Variants in OTUD7B observed in about 807,000 individuals in gnomAD.
The protein encoded by OTUD7B is OTU deubiquitinase 7B, also known as OTU domain-containing protein 7B.
Under a neutral mutation model 82.2 loss-of-function variants are expected in OTUD7B, and 34 were observed. The observed-to-expected ratio is 0.41, with a 90% CI of 0.31 to 0.55. The LOEUF is 0.55. Among genes scored for constraint, OTUD7B ranks in the 20% least tolerant of loss-of-function variants. OTUD7B has a pLI of 0.20. For synonymous variants in OTUD7B, 398 were observed against 402.7 expected (o/e 0.99, Z 0.14); for missense variants, 944 against 1,062.1 (o/e 0.89, Z 1.55).
intron 1 of OTUD7B, among the ~76,000 whole-genome samples, chr1:149,981,285 G>A (rs949376671): frequency 7.2e-5 from 11 of 152,174 alleles, no homozygotes. Flanking sequence ...CTGCCCCCAT[G>A]CAAGAATCCT....
In OTUD7B at chr1:149,959,731, T is replaced by C; in HGVS notation, c.798A>G (p.Ser266=). The stretch of plus-strand genomic sequence containing the variant: ...TACCTAGATGCATTCGGGGTTCACT[T>C]GAGGCAAGCTTGATCAGTTCATTCC... The part of the protein sequence containing the change: ...KEWNELIKLA[S]SEPRMHLGTN... Residue 266 remains serine, a synonymous_variant, in exon 7 of 12, where the codon TCA becomes TCG. Transcript: ENST00000581312. 2 of 1,614,124 alleles carry C rather than the reference T, an allele frequency of 1.2e-6. No homozygotes were observed. The highest frequency in any genetic ancestry group is 1.7e-6 in the Non-Finnish European group (2 of 1,179,988).
upstream of OTUD7B, among the ~76,000 whole-genome samples, chr1:150,013,152 T>C (rs1017351717): frequency 3.3e-5 from 5 of 152,152 alleles, no homozygotes; most frequent in Non-Finnish European, 7.4e-5. Flanking sequence ...CCAGACAAAA[T>C]CCTACCGGTG....
chr1:150,060,324 C>T, the OTUD7B span, among the ~76,000 whole-genome samples: 2 of 152,072 alleles, frequency 1.3e-5, no homozygotes, highest in South Asian at 2.1e-4. Flanking sequence ...TAAGGTTAAA[C>T]GAGGTCATTA....
intron 7 of OTUD7B, 65 bp from the exon 8 acceptor site, chr1:149,950,286 A>G (rs1648090662): frequency 6.6e-7 from 1 of 1,510,592 alleles, no homozygotes; most frequent in Admixed American, 1.8e-5. Flanking sequence ...GAAACAGGAG[A>G]CCCTGAAGAC....
At chr1:149,949,881 A>G in intron 8 of OTUD7B, 103 bp from the exon 9 acceptor site, 2 of 1,352,196 alleles carry the variant, frequency 1.5e-6, no homozygotes, top group Admixed American at 4.5e-5. Context: ...TTTCATTCCA[A>G]CATGTTTAAT....
upstream of OTUD7B, among the ~76,000 whole-genome samples, chr1:150,014,065 T>TGC (rs1559875118): frequency 3.6e-5 from 1 of 27,966 alleles, no homozygotes; most frequent in African/African-American, 1.3e-4. Context: ...TATATGTGTG[T>TGC]GTGTGTGTGT....
In OTUD7B at chr1:149,944,554, A is replaced by G. The variant is rs1553771497; in HGVS notation, c.1835T>C (p.Val612Ala). The G allele has an allele frequency of 6.2e-7, 1 of 1,614,024 alleles. No homozygotes were observed. The highest frequency in any genetic ancestry group is 2.2e-5 in the East Asian group (1 of 44,866). Residue 612 changes from valine (V) to alanine (A), a missense_variant, in exon 12 of 12, where the codon GTT (valine) becomes GCT (alanine). Around this residue, in one of 3 missense-constraint regions of OTUD7B, gnomAD observed 412 missense variants for 418.7 expected, o/e 0.98. Transcript: ENST00000581312. ...ACGGTGACCCATCTTCAGGGTTCCA[A>G]CAAAAATAAACTTCCCCTCCCCTTG... is the stretch of plus-strand genomic sequence containing the variant. The part of the protein sequence containing the change: ...AMQGEGKFIF[V>A]GTLKMGHRHQ...
chr1:149,946,741 G>A (rs1316026583), intron 11 of OTUD7B, among the ~76,000 whole-genome samples: 49 of 79,540 alleles, frequency 6.2e-4, no homozygotes, highest in African/African-American at 6.6e-4. Context: ...GACTTCCTCT[G>A]AAAAAAAAAA....
At chr1:150,054,492 A>T in the OTUD7B span, 16 of 494,778 alleles carry the variant, frequency 3.2e-5, no homozygotes, top group South Asian at 2.4e-4. Context: ...ATCCCAAAAC[A>T]TCTTACTGAT....
At chr1:150,048,854 A>T in the OTUD7B span, among the ~76,000 whole-genome samples, 1 of 151,978 alleles carries the variant, frequency 6.6e-6, no homozygotes, top group Admixed American at 6.6e-5. Flanking sequence ...AAAATTTGAG[A>T]CGGAGTCTCA....
At chr1:149,963,401 T>A (rs1456297084) in intron 6 of OTUD7B, 1 of 152,180 alleles carries the variant, frequency 6.6e-6, no homozygotes, top group Admixed American at 6.6e-5. Flanking sequence ...ATCAGCAAAC[T>A]TTTTCTGTAA....
intron 2 of OTUD7B, among the ~76,000 whole-genome samples, chr1:149,973,066 C>T (rs1284006379): frequency 6.6e-6 from 1 of 152,202 alleles, no homozygotes; most frequent in Non-Finnish European, 1.5e-5. Flanking sequence ...AAACATCTCT[C>T]AAATCCATTT....
the OTUD7B span, among the ~76,000 whole-genome samples, chr1:150,019,252 C>G: frequency 6.6e-6 from 1 of 152,224 alleles, no homozygotes; most frequent in Non-Finnish European, 1.5e-5. Context: ...CCACAACTGT[C>G]TCTTGCCTTT....
upstream of OTUD7B, among the ~76,000 whole-genome samples, chr1:150,013,953 C>T (rs1297979266): frequency 0.02 from 2,234 of 112,656 alleles, 25 homozygotes; most frequent in Non-Finnish European, 0.033. Context: ...TATATACACA[C>T]ACACACACAC....
the OTUD7B span, among the ~76,000 whole-genome samples, chr1:150,051,176 C>A: frequency 7.1e-6 from 1 of 140,948 alleles, no homozygotes; most frequent in African/African-American, 2.6e-5. Context: ...TTGCAGTGAA[C>A]CGAGATTGCG....
the OTUD7B span, among the ~76,000 whole-genome samples, chr1:150,049,905 T>C: frequency 6.6e-6 from 1 of 152,106 alleles, no homozygotes; most frequent in East Asian, 1.9e-4. Flanking sequence ...AGAAAGGTTA[T>C]TGTTTCAAAA....
intron 6 of OTUD7B, chr1:149,961,901 G>A (rs1166007254): frequency 2.6e-5 from 4 of 152,112 alleles, no homozygotes; most frequent in Non-Finnish European, 4.4e-5. Context: ...ATAATGATAA[G>A]GGAAATAAGT....
At chr1:149,973,811 A>G (rs1650096701) in intron 2 of OTUD7B, among the ~76,000 whole-genome samples, 2 of 151,558 alleles carry the variant, frequency 1.3e-5, no homozygotes, top group Non-Finnish European at 2.9e-5. Context: ...AAGAAAAAAC[A>G]AGCAACAGAG....
chr1:149,944,500 C>A lies in OTUD7B; in HGVS notation c.1889G>T (p.Arg630Leu). Reference sequence around the variant, plus strand: ...TCTCTCCTCAGCATCAGAAAGGTAGCGCTGGATCATTTCCTCCTGATACTG... The same window carrying A: ...TCTCTCCTCAGCATCAGAAAGGTAGAGCTGGATCATTTCCTCCTGATACTG... ...RHQYQEEMIQ[R>L]YLSDAEERFL... The change falls in exon 12 of 12, where the codon CGC (arginine) becomes CTC (leucine). Residue 630 changes from arginine to leucine, a missense_variant. Physicochemically the swap from Arg to Leu is moderately radical, Grantham distance 102. Coordinates refer to ENST00000581312, the MANE Select transcript of OTUD7B (RefSeq NM_020205.4). 1 of 1,614,100 alleles carries A rather than the reference C, an allele frequency of 6.2e-7. No individual in the cohort carries two copies. Among genetic ancestry groups the A allele is most frequent in the South Asian group, 1.1e-5 (1 of 91,086 alleles).
Sources: gnomAD v4.1 joint callset for allele counts (sites outside exome capture counted in the v4.1 genomes callset) on GRCh38, gnomAD v4.1.1 for gene constraint, gnomAD v4.1.1 regional missense constraint, MANE v1.5 for transcripts, NCBI Gene and HGNC (gene_info 2026-07-23, HGNC 2026-07-21) for gene names.